Variants in ARHGAP15 observed in about 807,000 individuals in gnomAD.
ARHGAP15 encodes the protein Rho GTPase activating protein 15.
ARHGAP15 carries 51 observed loss-of-function variants against 63.7 expected under a neutral mutation model. The observed-to-expected ratio is 0.80, with a 90% confidence interval of 0.64 to 1.01. The LOEUF (loss-of-function observed/expected upper bound fraction) is 1.01, where lower values mean the gene tolerates loss of function less well. Among genes scored for constraint, ARHGAP15 ranks in the 50% least tolerant of loss-of-function variants. ARHGAP15 has a pLI of 0.00. For synonymous variants in ARHGAP15, 191 were observed against 193.8 expected (o/e 0.99, Z 0.12); for missense variants, 560 against 564.6 (o/e 0.99, Z 0.08).
rs565302678 is a variant in ARHGAP15, at chr2:143,431,884, G to A, written c.475-3717G>A. Among the ~76,000 whole-genome samples the A allele has an allele frequency of 9.2e-5, 14 of 152,016 alleles. No individual in the cohort carries two copies. The South Asian group carries it at 2.1e-3, about 23-fold the overall frequency. Reference sequence around the variant, plus strand: ...GTGGGATTTATTCTGCAATCAGAAGGGTGGGGCTCTCAAACAGGGTAGCAC... The same window carrying A: ...GTGGGATTTATTCTGCAATCAGAAGAGTGGGGCTCTCAAACAGGGTAGCAC... On this transcript the variant is annotated intron_variant, in intron 6 of 13. Transcript: ENST00000295095.
chr2:143,228,117 T>C (rs1014357050), intron 4 of ARHGAP15: 4 of 152,184 alleles, frequency 2.6e-5, no homozygotes, highest in Admixed American at 2.6e-4. Context: ...AGATTCAACA[T>C]TATGAAAATA....
At chr2:143,410,620 C>G (rs1212836004) in intron 6 of ARHGAP15, among the ~76,000 whole-genome samples, 1 of 152,064 alleles carries the variant, frequency 6.6e-6, no homozygotes, top group Non-Finnish European at 1.5e-5. Flanking sequence ...CAGAAAAGGA[C>G]TCTGCTCCCA....
intron 6 of ARHGAP15, among the ~76,000 whole-genome samples, chr2:143,254,061 G>A (rs747151379): frequency 2.0e-5 from 3 of 152,080 alleles, no homozygotes; most frequent in Non-Finnish European, 2.9e-5. Flanking sequence ...AGCAACACTA[G>A]GTCTTCATCA....
intron 11 of ARHGAP15, among the ~76,000 whole-genome samples, chr2:143,575,382 T>C (rs1260871624): frequency 6.6e-6 from 1 of 152,158 alleles, no homozygotes; most frequent in Non-Finnish European, 1.5e-5. Flanking sequence ...CGTCCAGCTG[T>C]CCTTTAATTA....
At chr2:143,464,944 C>A (rs1691130305) in intron 8 of ARHGAP15, among the ~76,000 whole-genome samples, 2 of 152,120 alleles carry the variant, frequency 1.3e-5, no homozygotes, top group South Asian at 4.2e-4. Flanking sequence ...TTTATTATAA[C>A]AAGTTTTATT....
At position 143,547,996 on chromosome 2, in the gene ARHGAP15, C is replaced by T. The variant is rs187002298; in HGVS notation, c.926-8412C>T. 1.9e-3 allele frequency among the ~76,000 whole-genome samples: 285 copies of T among 152,084 alleles called. 2 individuals carry two copies. Among genetic ancestry groups the T allele is most frequent in the African/African-American group, 6.8e-3 (283 of 41,482 alleles). On this transcript the variant is annotated intron_variant, in intron 10 of 13. Coordinates refer to ENST00000295095, the MANE Select transcript of ARHGAP15 (RefSeq NM_018460.4). ...ATACAATGTAGAACCACTAAGAAAACCAAACCAGTAACACACTTAACATTC... is the reference window on the plus strand; with the variant it reads ...ATACAATGTAGAACCACTAAGAAAATCAAACCAGTAACACACTTAACATTC...
At chr2:143,223,668 GAGAA>G (rs1450142665) in intron 4 of ARHGAP15, among the ~76,000 whole-genome samples, 1 of 152,146 alleles carries the variant, frequency 6.6e-6, no homozygotes, top group Non-Finnish European at 1.5e-5. Context: ...TTGCTCCAAA[GAGAA>G]AGAGATTCTA....
intron 6 of ARHGAP15, among the ~76,000 whole-genome samples, chr2:143,360,716 CT>C (rs1686011156): frequency 6.6e-6 from 1 of 152,048 alleles, no homozygotes; most frequent in African/African-American, 2.4e-5. Flanking sequence ...ATTTTGATTG[CT>C]TACAAAACAG....
chr2:143,410,153 A>G (rs894000748), intron 6 of ARHGAP15, among the ~76,000 whole-genome samples: 2 of 152,128 alleles, frequency 1.3e-5, no homozygotes, highest in African/African-American at 4.8e-5. Flanking sequence ...ATTTTAATTA[A>G]ATTTTATTAT....
chr2:143,546,382 T>C (rs1458072613), intron 10 of ARHGAP15, among the ~76,000 whole-genome samples: 1 of 152,204 alleles, frequency 6.6e-6, no homozygotes, highest in East Asian at 1.9e-4. Flanking sequence ...GATCCATTTT[T>C]CAGTTTTCTT....
chr2:143,631,999 T>C (rs1002299179), intron 12 of ARHGAP15, among the ~76,000 whole-genome samples: 1 of 152,120 alleles, frequency 6.6e-6, no homozygotes, highest in African/African-American at 2.4e-5. Context: ...CTAATTTTTC[T>C]CTAGCTGTTT....
At chr2:143,644,513 T>A (rs1680772592) in intron 12 of ARHGAP15, among the ~76,000 whole-genome samples, 1 of 152,060 alleles carries the variant, frequency 6.6e-6, no homozygotes, top group Non-Finnish European at 1.5e-5. Flanking sequence ...GCCCTTCTAA[T>A]CTTCTTCAGT....
At chr2:143,202,687 A>C in intron 3 of ARHGAP15, among the ~76,000 whole-genome samples, 1 of 152,136 alleles carries the variant, frequency 6.6e-6, no homozygotes. Flanking sequence ...TCTAGTTCAC[A>C]CAAGGGGAGA....
At chr2:143,586,426 T>C (rs1279940704) in intron 11 of ARHGAP15, among the ~76,000 whole-genome samples, 2 of 152,128 alleles carry the variant, frequency 1.3e-5, no homozygotes, top group African/African-American at 4.8e-5. Context: ...GTAATCACTT[T>C]TATCAATATA....
At chr2:143,749,950 C>T (rs1421966819) in intron 13 of ARHGAP15, among the ~76,000 whole-genome samples, 1 of 152,124 alleles carries the variant, frequency 6.6e-6, no homozygotes, top group East Asian at 1.9e-4. Context: ...CCTGGCTGCA[C>T]ACCAGGCTCA....
At chr2:143,484,386 G>A (rs1692222942) in intron 8 of ARHGAP15, among the ~76,000 whole-genome samples, 1 of 140,292 alleles carries the variant, frequency 7.1e-6, no homozygotes. Flanking sequence ...AAAAAAATTA[G>A]CCAGGCTTAG....
At chr2:143,512,552 T>C (rs943751721) in intron 9 of ARHGAP15, among the ~76,000 whole-genome samples, 1 of 152,254 alleles carries the variant, frequency 6.6e-6, no homozygotes, top group African/African-American at 2.4e-5. Flanking sequence ...GTGGATCCCA[T>C]TGAGCTATTT....
intron 6 of ARHGAP15, among the ~76,000 whole-genome samples, chr2:143,433,729 T>C (rs963270324): frequency 3.3e-5 from 5 of 149,400 alleles, no homozygotes; most frequent in African/African-American, 1.3e-4. Context: ...TTGTTTCTCG[T>C]ACTTCTTAAA....
chr2:143,431,109 T>G (rs1214968467), intron 6 of ARHGAP15, among the ~76,000 whole-genome samples: 1 of 152,048 alleles, frequency 6.6e-6, no homozygotes, highest in Non-Finnish European at 1.5e-5. Flanking sequence ...GCATGATCTT[T>G]TAAAATCGGG....
Sources: allele counts gnomAD v4.1 joint callset (sites outside exome capture counted in the v4.1 genomes callset), GRCh38; gene constraint gnomAD v4.1.1; transcripts MANE v1.5; gene names NCBI Gene and HGNC (gene_info 2026-07-23, HGNC 2026-07-21).